Variants in BCAS4 observed in about 807,000 individuals in gnomAD.
The protein encoded by BCAS4 is breast carcinoma-amplified sequence 4.
In BCAS4, 9 loss-of-function variants were observed where a neutral mutation model predicts 15.7. The ratio of observed to expected loss-of-function variants is 0.57; its 90% CI spans 0.34 to 1.00. The LOEUF is 1.00. BCAS4 is among the 50% of genes least tolerant of loss of function. BCAS4 has a pLI of 0.02. For missense variants in BCAS4, 225 were observed against 239.1 expected (o/e 0.94, Z 0.39); for synonymous variants, 101 against 99.5 (o/e 1.02, Z -0.09).
At chr20:50,813,616 A>C (rs945026306) in intron 1 of BCAS4, among the ~76,000 whole-genome samples, 4 of 150,326 alleles carry the variant, frequency 2.7e-5, no homozygotes, top group African/African-American at 9.8e-5. Flanking sequence ...ATTTGGCCTG[A>C]ACGAGAGGAT....
At chr20:50,832,279 ATGGAGTCT>A (rs1230358710) in intron 3 of BCAS4, among the ~76,000 whole-genome samples, 1 of 149,914 alleles carries the variant, frequency 6.7e-6, no homozygotes, top group East Asian at 1.9e-4. Context: ...TTTTTTTTAG[ATGGAGTCT>A]TGCTCTGTCC....
intron 2 of BCAS4, among the ~76,000 whole-genome samples, chr20:50,819,511 C>T (rs975881918): frequency 2.0e-5 from 3 of 152,102 alleles, no homozygotes; most frequent in Non-Finnish European, 4.4e-5. Flanking sequence ...TAACAGCAGC[C>T]CCAGATGTTC....
rs1268465154 is a variant in BCAS4, at chr20:50,876,682, T to C, written c.*74T>C. ...CACTGCAGCTTGGGGGTTTTTTCTT[T>C]GTATTGCTGTTTATTTTATATTTTA... On this transcript the variant is annotated 3_prime_UTR_variant, in exon 5 of 5. Coordinates refer to ENST00000371608, the MANE Select transcript of BCAS4 (RefSeq NM_198799.4). 6.7e-7 allele frequency: 1 copy of C among 1,497,048 alleles called. No homozygotes were observed. The highest frequency in any genetic ancestry group is 8.9e-7 in the Non-Finnish European group (1 of 1,118,968). The allele number at this position is 1,497,048 out of a possible 1,614,324, so 92.7% of individuals were successfully genotyped here.
intron 4 of BCAS4, among the ~76,000 whole-genome samples, chr20:50,848,160 G>A (rs2088570339): frequency 6.6e-6 from 1 of 152,194 alleles, no homozygotes; most frequent in Non-Finnish European, 1.5e-5. Flanking sequence ...GGAGGCTGGG[G>A]TGGGAAGATT....
intron 1 of BCAS4, among the ~76,000 whole-genome samples, chr20:50,816,651 G>A (rs1468793018): frequency 6.6e-6 from 1 of 152,070 alleles, no homozygotes; most frequent in Non-Finnish European, 1.5e-5. Flanking sequence ...TGATGACTGG[G>A]TTTTATTTCT....
chr20:50,828,409 G>A (rs565906176), intron 2 of BCAS4, among the ~76,000 whole-genome samples: 3 of 152,102 alleles, frequency 2.0e-5, no homozygotes, highest in Non-Finnish European at 4.4e-5. Flanking sequence ...AGATTTTCAC[G>A]ATAACCACAA....
downstream of BCAS4, chr20:50,881,222 CCTGT>C (rs1980110958): frequency 6.6e-6 from 1 of 151,944 alleles, no homozygotes; most frequent in South Asian, 2.1e-4. Context: ...AAAGTGTTAC[CCTGT>C]CTTAGAAAGT....
chr20:50,862,350 G>A (rs1020580907), intron 4 of BCAS4, among the ~76,000 whole-genome samples: 8 of 152,008 alleles, frequency 5.3e-5, no homozygotes, highest in South Asian at 4.2e-4. Context: ...TGCTGTCTCC[G>A]TCTCTCCCTC....
chr20:50,824,574 G>A (rs911480370), intron 2 of BCAS4, among the ~76,000 whole-genome samples: 10 of 152,234 alleles, frequency 6.6e-5, no homozygotes, highest in Non-Finnish European at 1.0e-4. Flanking sequence ...AGCCCAAGGC[G>A]TGCAAATGTA....
chr20:50,853,653 C>T lies in BCAS4; in HGVS notation c.399+11753C>T, dbSNP rs552019739. Among the ~76,000 whole-genome samples the T allele has an allele frequency of 3.2e-4, 20 of 62,438 alleles. No homozygotes were observed. The Admixed American group carries it at 3.5e-3, about 11-fold the overall frequency. The allele number at this position is 62,438 out of a possible 152,430, so 41.0% of individuals were successfully genotyped here. On this transcript the variant is annotated intron_variant, in intron 4 of 4. Transcript: ENST00000371608. ...TGTGGACATTTGGGGCCAGGTCCTTCTTTGCTGTGGGGACCATTTTGTGTA... is the reference window on the plus strand; with the variant it reads ...TGTGGACATTTGGGGCCAGGTCCTTTTTTGCTGTGGGGACCATTTTGTGTA...
At chr20:50,839,592 T>C (rs1301959707) in intron 3 of BCAS4, among the ~76,000 whole-genome samples, 2 of 152,158 alleles carry the variant, frequency 1.3e-5, no homozygotes, top group Non-Finnish European at 2.9e-5. Context: ...AACCTCTGCC[T>C]CCCGGGTTCA....
At chr20:50,866,965 G>A (rs1410278965) in intron 4 of BCAS4, among the ~76,000 whole-genome samples, 1 of 152,164 alleles carries the variant, frequency 6.6e-6, no homozygotes, top group African/African-American at 2.4e-5. Context: ...CTCCGTTCTC[G>A]GTCACTGAGG....
At chr20:50,834,869 G>T (rs1046086077) in intron 3 of BCAS4, among the ~76,000 whole-genome samples, 2 of 152,170 alleles carry the variant, frequency 1.3e-5, no homozygotes, top group African/African-American at 4.8e-5. Flanking sequence ...CATCTATGTT[G>T]TAGCATGTGC....
chr20:50,817,016 T>C (rs1419334130), intron 1 of BCAS4, among the ~76,000 whole-genome samples: 1 of 151,758 alleles, frequency 6.6e-6, no homozygotes, highest in Non-Finnish European at 1.5e-5. Flanking sequence ...TTGTCCAGAA[T>C]GGTGTCGATC....
Position 50,846,159 on chromosome 20 carries a change from A to G in BCAS4, c.399+4259A>G, listed in dbSNP as rs114745422. Among the ~76,000 whole-genome samples, 1,184 of 152,398 alleles carry G rather than the reference A, an allele frequency of 7.8e-3. 11 individuals are homozygous for G. The highest frequency in any genetic ancestry group is 0.023 in the African/African-American group (954 of 41,596). On this transcript the variant is annotated intron_variant, in intron 4 of 4. Transcript: ENST00000371608. ...TGCTACAACACATGTATTTCATGGCACAAAAGTCCACATTTTCATGCTGCA... is the reference window on the plus strand; with the variant it reads ...TGCTACAACACATGTATTTCATGGCGCAAAAGTCCACATTTTCATGCTGCA...
chr20:50,847,770 C>T (rs770301337), intron 4 of BCAS4, among the ~76,000 whole-genome samples: 31 of 152,138 alleles, frequency 2.0e-4, no homozygotes, highest in Non-Finnish European at 3.1e-4. Flanking sequence ...AGGTGGGACA[C>T]GGTGGCTCAC....
chr20:50,815,091 C>G (rs897659694), intron 1 of BCAS4, among the ~76,000 whole-genome samples: 2 of 152,208 alleles, frequency 1.3e-5, no homozygotes, highest in Non-Finnish European at 2.9e-5. Flanking sequence ...CCAAACGGGC[C>G]TGATGGTTCC....
chr20:50,824,814 T>A (rs1003084445), intron 2 of BCAS4, among the ~76,000 whole-genome samples: 6 of 152,208 alleles, frequency 3.9e-5, no homozygotes, highest in Admixed American at 2.6e-4. Context: ...TGGCTCAGTG[T>A]GTCCAGGTCT....
chr20:50,806,951 A>C (rs1332523960), intron 1 of BCAS4, among the ~76,000 whole-genome samples: 1 of 141,966 alleles, frequency 7.0e-6, no homozygotes, highest in Non-Finnish European at 1.5e-5. Context: ...GGGTCACTGC[A>C]ACCTCCACCT....
Sources: gnomAD v4.1 joint callset for allele counts (sites outside exome capture counted in the v4.1 genomes callset) on GRCh38, gnomAD v4.1.1 for gene constraint, MANE v1.5 for transcripts, NCBI Gene and HGNC (gene_info 2026-07-23, HGNC 2026-07-21) for gene names.